ARHGAP40: variants seen among roughly 807,000 people sequenced by gnomAD.
ARHGAP40 encodes the protein Rho GTPase activating protein 40.
In ARHGAP40, 43 loss-of-function variants were observed where a neutral mutation model predicts 73.5. The observed-to-expected ratio is 0.58, with a 90% CI of 0.46 to 0.75. ARHGAP40 has a LOEUF of 0.75. ARHGAP40 is among the 30% of genes least tolerant of loss of function. The probability of loss-of-function intolerance (pLI) is 0.00; values close to 1 mark genes in which losing one functional copy is unlikely to be tolerated. For synonymous variants in ARHGAP40, 300 were observed against 352.8 expected, an observed-to-expected ratio of 0.85 and a Z score of 1.68; for missense variants, 734 against 861.8, an observed-to-expected ratio of 0.85 and a Z score of 1.86.
At chr20:38,640,806 C>A (rs1280837384) in intron 9 of ARHGAP40, among the ~76,000 whole-genome samples, 1 of 152,210 alleles carries the variant, frequency 6.6e-6, no homozygotes, top group African/African-American at 2.4e-5. Context: ...TTCTGCCATT[C>A]AAGTTCCAGC....
Position 38,650,456 on chromosome 20 carries a change from G to A in ARHGAP40, c.*608G>A, listed in dbSNP as rs189414773. The A allele has an allele frequency of 1.1e-4, 53 of 470,950 alleles. No homozygotes were observed. In the East Asian group the frequency reaches 3.6e-3, roughly 32 times the overall value. 29.2% of individuals were successfully genotyped at this position (470,950 alleles called of 1,614,324 possible). A position where few individuals can be genotyped will look rare whatever the true frequency, so the allele number is the denominator to read the frequency against. ...CCTTGCCCTCTCAGAATCCTTTCAG[G>A]ATGAGGGGCTAGGGCCTCAGGGAGA... is the stretch of plus-strand genomic sequence containing the variant. On this transcript the variant is annotated 3_prime_UTR_variant, in exon 15 of 15. Transcript: ENST00000373345.
chr20:38,645,177 T>C (rs1316313134), intron 11 of ARHGAP40, among the ~76,000 whole-genome samples: 2 of 151,548 alleles, frequency 1.3e-5, no homozygotes, highest in Admixed American at 6.6e-5. Context: ...GGCAGAAGCC[T>C]GGTGTCCTCT....
intron 1 of ARHGAP40, among the ~76,000 whole-genome samples, chr20:38,622,752 C>G (rs2088879834): frequency 6.6e-6 from 1 of 152,220 alleles, no homozygotes; most frequent in African/African-American, 2.4e-5. Flanking sequence ...CAGCCCCACA[C>G]AGCTTCCAGT....
chr20:38,623,266 C>T, intron 1 of ARHGAP40, 93 bp from the exon 2 acceptor site: 1 of 1,030,268 alleles, frequency 9.7e-7, no homozygotes, highest in South Asian at 1.6e-5. Context: ...CCCAGGGGCC[C>T]AGGCTGATTT....
intron 6 of ARHGAP40, among the ~76,000 whole-genome samples, chr20:38,636,546 A>G (rs1601146682): frequency 6.6e-6 from 1 of 152,128 alleles, no homozygotes; most frequent in Non-Finnish European, 1.5e-5. Context: ...TACAGGCATG[A>G]GTCACCTTGC....
At chr20:38,637,884 G>T in intron 7 of ARHGAP40, 85 bp downstream of exon 7, 1 of 1,079,232 alleles carries the variant, frequency 9.3e-7, no homozygotes, top group Non-Finnish European at 1.2e-6. Context: ...ATCCAGCAAA[G>T]GGGTGAAAGG....
intron 9 of ARHGAP40, among the ~76,000 whole-genome samples, chr20:38,641,468 G>A (rs1039497014): frequency 1.3e-5 from 2 of 152,166 alleles, no homozygotes; most frequent in African/African-American, 4.8e-5. Context: ...CTAGGTCTGT[G>A]CGGCATGTGC....
intron 7 of ARHGAP40, among the ~76,000 whole-genome samples, 177 bp downstream of exon 7, chr20:38,637,976 CTGT>C (rs1266092815): frequency 3.3e-5 from 5 of 151,568 alleles, no homozygotes; most frequent in African/African-American, 4.9e-5. Context: ...TGGATTTTTG[CTGT>C]TGTTGTTGTT....
intron 5 of ARHGAP40, among the ~76,000 whole-genome samples, chr20:38,633,792 A>G (rs2088956501): frequency 6.6e-6 from 1 of 152,234 alleles, no homozygotes; most frequent in South Asian, 2.1e-4. Context: ...AGCTGCCTGC[A>G]GATTCCCAAG....
intron 11 of ARHGAP40, among the ~76,000 whole-genome samples, chr20:38,644,310 C>T (rs931984100): frequency 2.0e-5 from 3 of 152,126 alleles, no homozygotes; most frequent in South Asian, 4.1e-4. Context: ...CTGCCCCCAC[C>T]GTGAGCTTTG....
At chr20:38,643,670 T>G in intron 10 of ARHGAP40, 34 bp from the exon 11 acceptor site, 29 of 1,295,262 alleles carry the variant, frequency 2.2e-5, no homozygotes, top group African/African-American at 3.0e-5. Context: ...AGGGATGGGC[T>G]GAGATTTGAG....
At chr20:38,614,833 C>G in intron 1 of ARHGAP40, 1 of 786,276 alleles carries the variant, frequency 1.3e-6, no homozygotes, top group South Asian at 1.6e-5. Flanking sequence ...AAAAGTGTCT[C>G]TAGAGCTCCA....
intron 3 of ARHGAP40, among the ~76,000 whole-genome samples, 168 bp from the exon 4 acceptor site, chr20:38,628,759 A>T (rs1014761636): frequency 2.0e-5 from 3 of 152,190 alleles, no homozygotes; most frequent in Non-Finnish European, 4.4e-5. Context: ...CCCAGTGCCC[A>T]TTCCCCGACT....
At chr20:38,623,648 C>A in intron 2 of ARHGAP40, 90 bp downstream of exon 2, 2 of 1,061,560 alleles carry the variant, frequency 1.9e-6, no homozygotes, top group South Asian at 1.6e-5. Flanking sequence ...TGAACCAGAA[C>A]ATGACAGCAT....
chr20:38,601,921 G>A lies in ARHGAP40; in HGVS notation c.-22G>A, dbSNP rs553198500. On this transcript the variant is annotated 5_prime_UTR_variant, in exon 1 of 15. Transcript: ENST00000373345. ...CACGGCGGCAGCACCACGACCGACC[G>A]GGATCCTCGAGGTGCCAGCCCATGG... is the stretch of plus-strand genomic sequence containing the variant. The A allele has an allele frequency of 1.1e-5, 14 of 1,287,498 alleles. No individual in the cohort carries two copies. The Admixed American group carries it at 2.5e-4, about 23-fold the overall frequency. The allele number at this position is 1,287,498 out of a possible 1,614,324, so 79.8% of individuals were successfully genotyped here. A position where few individuals can be genotyped will look rare whatever the true frequency, so the allele number is the denominator to read the frequency against.
At chr20:38,606,987 C>T (rs571743897) in intron 1 of ARHGAP40, among the ~76,000 whole-genome samples, 1 of 152,308 alleles carries the variant, frequency 6.6e-6, no homozygotes, top group East Asian at 1.9e-4. Flanking sequence ...GGTTCCTTTT[C>T]TGTAAAATGG....
chr20:38,622,301 A>G (rs1258231767), intron 1 of ARHGAP40, among the ~76,000 whole-genome samples: 1 of 152,166 alleles, frequency 6.6e-6, no homozygotes, highest in Non-Finnish European at 1.5e-5. Flanking sequence ...AAACTGGGGA[A>G]ATGGATTTCT....
chr20:38,614,966 G>T, intron 1 of ARHGAP40: 1 of 1,228,800 alleles, frequency 8.1e-7, no homozygotes, highest in Non-Finnish European at 1.2e-6. Context: ...GTGCGAGTTT[G>T]TACGTGTGGT....
chr20:38,642,859 G>T (rs1277085315), intron 10 of ARHGAP40, among the ~76,000 whole-genome samples: 1 of 152,140 alleles, frequency 6.6e-6, no homozygotes, highest in African/African-American at 2.4e-5. Flanking sequence ...GAGCTACCTT[G>T]GCCAGGCACA....
Sources: allele counts gnomAD v4.1 joint callset (sites outside exome capture counted in the v4.1 genomes callset), GRCh38; gene constraint gnomAD v4.1.1; transcripts MANE v1.5; gene names NCBI Gene and HGNC (gene_info 2026-07-23, HGNC 2026-07-21).